The following ADAMTSL1 variants were observed in gnomAD, a reference collection of about 807,000 sequenced individuals.
ADAMTSL1 encodes ADAMTS like 1.
Under a neutral mutation model 201.8 loss-of-function variants are expected in ADAMTSL1, and 126 were observed. That is an observed-to-expected ratio of 0.62 (90% CI 0.54 to 0.72). The LOEUF (loss-of-function observed/expected upper bound fraction) is 0.72, where lower values mean the gene tolerates loss of function less well. Ranked by LOEUF, ADAMTSL1 falls within the 30% of genes least tolerant of loss-of-function variation. The pLI, the probability that ADAMTSL1 is intolerant of heterozygous loss-of-function variation, is 0.00. For missense variants in ADAMTSL1, 2,679 were observed against 2,277.8 expected, an observed-to-expected ratio of 1.18 and a Z score of -3.59; for synonymous variants, 1,121 against 903.4, an observed-to-expected ratio of 1.24 and a Z score of -4.32.
intron 3 of ADAMTSL1, among the ~76,000 whole-genome samples, chr9:18,573,098 C>G (rs1326883465): frequency 6.6e-6 from 1 of 152,088 alleles, no homozygotes; most frequent in African/African-American, 2.4e-5. Flanking sequence ...CTTTATGAAA[C>G]TTACATCAAA....
intron 1 of ADAMTSL1, among the ~76,000 whole-genome samples, chr9:18,065,053 T>C (rs1822634088): frequency 6.8e-6 from 1 of 147,838 alleles, no homozygotes; most frequent in Non-Finnish European, 1.5e-5. Context: ...TTATTAAATA[T>C]GTTCGAAGCA....
chr9:18,338,613 A>G (rs1835345567), intron 2 of ADAMTSL1, among the ~76,000 whole-genome samples: 1 of 151,860 alleles, frequency 6.6e-6, no homozygotes, highest in African/African-American at 2.4e-5. Flanking sequence ...TGCCCAGCTT[A>G]TTTTTCATTT....
intron 26 of ADAMTSL1, among the ~76,000 whole-genome samples, chr9:18,903,865 A>T (rs77868954): frequency 6.6e-6 from 1 of 152,008 alleles, no homozygotes; most frequent in Admixed American, 6.6e-5. Flanking sequence ...AAAAAAAAAA[A>T]TGTATAAGTG....
intron 1 of ADAMTSL1, among the ~76,000 whole-genome samples, chr9:17,977,712 T>G (rs569464605): frequency 6.6e-6 from 1 of 152,246 alleles, no homozygotes; most frequent in East Asian, 1.9e-4. Context: ...CCTAAAGGTC[T>G]AACATACAAT....
intron 1 of ADAMTSL1, among the ~76,000 whole-genome samples, chr9:18,086,407 A>T (rs76524667): frequency 6.7e-6 from 1 of 148,524 alleles, no homozygotes; most frequent in Admixed American, 6.7e-5. Context: ...TTAGTGAATT[A>T]AAAAAAAAAA....
chr9:18,673,198 A>G (rs1198549120), intron 9 of ADAMTSL1, among the ~76,000 whole-genome samples: 1 of 152,114 alleles, frequency 6.6e-6, no homozygotes, highest in Non-Finnish European at 1.5e-5. Context: ...CCGAAATTAC[A>G]TTCTTTTTCA....
intron 2 of ADAMTSL1, among the ~76,000 whole-genome samples, chr9:18,460,868 A>G (rs1820782430): frequency 6.6e-6 from 1 of 152,172 alleles, no homozygotes; most frequent in Non-Finnish European, 1.5e-5. Flanking sequence ...ACCCCTCAAG[A>G]AAGGAGAATA....
chr9:18,050,852 T>TA (rs1298027242), intron 1 of ADAMTSL1, among the ~76,000 whole-genome samples: 2 of 152,068 alleles, frequency 1.3e-5, no homozygotes, highest in Admixed American at 6.6e-5. Flanking sequence ...CTTGTTTTGG[T>TA]AAAAAAAGGA....
At chr9:18,174,264 G>A (rs769115917) in intron 2 of ADAMTSL1, among the ~76,000 whole-genome samples, 21 of 152,124 alleles carry the variant, frequency 1.4e-4, no homozygotes, top group African/African-American at 2.9e-4. Context: ...CTATCAACCC[G>A]TGCGTTGAGT....
chr9:18,468,303 C>A (rs1263804614), intron 2 of ADAMTSL1, among the ~76,000 whole-genome samples: 1 of 152,180 alleles, frequency 6.6e-6, no homozygotes, highest in African/African-American at 2.4e-5. Flanking sequence ...CAATGCTCTG[C>A]AATGAGTTCT....
intron 23 of ADAMTSL1, among the ~76,000 whole-genome samples, chr9:18,860,545 T>G (rs1827146134): frequency 6.6e-6 from 1 of 152,194 alleles, no homozygotes; most frequent in South Asian, 2.1e-4. Flanking sequence ...GCTCTGGCCT[T>G]CTTACCAACA....
At chr9:18,007,358 TTGA>T (rs1297737184) in intron 1 of ADAMTSL1, among the ~76,000 whole-genome samples, 5 of 152,064 alleles carry the variant, frequency 3.3e-5, no homozygotes, top group African/African-American at 1.2e-4. Flanking sequence ...ATTTATATTT[TTGA>T]ACAGTTCCAT....
intron 13 of ADAMTSL1, among the ~76,000 whole-genome samples, chr9:18,692,330 A>C (rs1831279172): frequency 6.6e-6 from 1 of 152,220 alleles, no homozygotes; most frequent in Non-Finnish European, 1.5e-5. Context: ...CAGAATCAAT[A>C]ATAAACTCAA....
At chr9:18,619,474 C>T (rs1825892007) in intron 4 of ADAMTSL1, among the ~76,000 whole-genome samples, 1 of 152,036 alleles carries the variant, frequency 6.6e-6, no homozygotes, top group Non-Finnish European at 1.5e-5. Context: ...TAAACAAAGC[C>T]CATTTAAAAC....
intron 16 of ADAMTSL1, among the ~76,000 whole-genome samples, chr9:18,759,532 G>C (rs1819950639): frequency 6.6e-6 from 1 of 152,090 alleles, no homozygotes; most frequent in Non-Finnish European, 1.5e-5. Flanking sequence ...AAAATTTTCT[G>C]TCCCAGGGAG....
chr9:18,126,458 G>C (rs1490957548), intron 1 of ADAMTSL1, among the ~76,000 whole-genome samples: 1 of 152,088 alleles, frequency 6.6e-6, no homozygotes, highest in African/African-American at 2.4e-5. Flanking sequence ...AAGCCCCTTT[G>C]GCGTTGTCTT....
chr9:18,454,433 GAA>G (rs2099740481), intron 2 of ADAMTSL1, among the ~76,000 whole-genome samples: 1 of 152,028 alleles, frequency 6.6e-6, no homozygotes, highest in Non-Finnish European at 1.5e-5. Context: ...ATCTCCTCTG[GAA>G]ACACCCTCAC....
chr9:18,382,166 G>A (rs943407703), intron 2 of ADAMTSL1, among the ~76,000 whole-genome samples: 4 of 152,108 alleles, frequency 2.6e-5, no homozygotes, highest in Admixed American at 6.6e-5. Flanking sequence ...GAAAATGAGT[G>A]GCTTTTAAAA....
intron 4 of ADAMTSL1, among the ~76,000 whole-genome samples, chr9:18,614,887 T>C (rs944303553): frequency 1.3e-5 from 2 of 152,150 alleles, no homozygotes; most frequent in Non-Finnish European, 2.9e-5. Context: ...AGGAGCCCTT[T>C]ATTTTTTTTT....
Sources: allele counts gnomAD v4.1 joint callset (sites outside exome capture counted in the v4.1 genomes callset), GRCh38; gene constraint gnomAD v4.1.1; transcripts MANE v1.5; gene names NCBI Gene and HGNC (gene_info 2026-07-23, HGNC 2026-07-21).